Variants in HS6ST2 observed in about 807,000 individuals in gnomAD.
HS6ST2 encodes heparan-sulfate 6-O-sulfotransferase 2.
Under a neutral mutation model 33.0 loss-of-function variants are expected in HS6ST2, and 17 were observed. The ratio of observed to expected loss-of-function variants is 0.52; its 90% CI spans 0.35 to 0.77. The LOEUF is 0.77. HS6ST2 is among the 30% of genes least tolerant of loss of function. The pLI is 0.01. For missense variants in HS6ST2, 519 were observed against 551.7 expected, an observed-to-expected ratio of 0.94 and a Z score of 0.59; for synonymous variants, 248 against 237.1, an observed-to-expected ratio of 1.05 and a Z score of -0.42.
intron 2 of HS6ST2, among the ~76,000 whole-genome samples, chrX:132,846,563 A>AGG (rs1317953511): frequency 8.9e-6 from 1 of 112,152 alleles, no homozygotes; most frequent in Non-Finnish European, 1.9e-5. Context: ...TAGAGACAGC[A>AGG]GGACCTGCCT....
chrX:132,649,373 C>A (rs1207004342), intron 4 of HS6ST2, among the ~76,000 whole-genome samples: 1 of 112,035 alleles, frequency 8.9e-6, no homozygotes, highest in African/African-American at 3.2e-5. Flanking sequence ...ATTTAGCAAA[C>A]CCTTGCCCAA....
intron 2 of HS6ST2, among the ~76,000 whole-genome samples, chrX:132,879,669 T>C (rs1344416934): frequency 8.9e-6 from 1 of 112,175 alleles, no homozygotes; most frequent in African/African-American, 3.2e-5. Flanking sequence ...AAATCAGATT[T>C]TGACTTCAGT....
chrX:132,921,693 C>T (rs750524927), intron 2 of HS6ST2, among the ~76,000 whole-genome samples: 1 of 112,035 alleles, frequency 8.9e-6, no homozygotes, highest in East Asian at 2.8e-4. Context: ...AAAAGCCAGG[C>T]AATTACACTA....
At chrX:132,828,678 T>TTATATATATATATATATATATATATATA (rs1176610550) in intron 2 of HS6ST2, among the ~76,000 whole-genome samples, 3 of 53,242 alleles carry the variant, frequency 5.6e-5, no homozygotes, top group African/African-American at 9.2e-5. Flanking sequence ...ATATCATATT[T>TTATATATATATATATATATATATATATA]TATATATATA....
At chrX:132,911,993 CAT>C (rs1385118638) in intron 2 of HS6ST2, among the ~76,000 whole-genome samples, 2 of 111,703 alleles carry the variant, frequency 1.8e-5, no homozygotes, top group African/African-American at 6.5e-5. Context: ...AACACTCTAT[CAT>C]ATATCCCTGT....
rs1313156364 is a variant in HS6ST2, at chrX:132,627,071, A to ATTCTGT, written c.*1151_*1152insACAGAA. The ATTCTGT allele has an allele frequency of 8.9e-6, 1 of 112,533 alleles. No individual in the cohort carries two copies. Among genetic ancestry groups the ATTCTGT allele is most frequent in the East Asian group, 2.8e-4 (1 of 3,594 alleles). 9.3% of individuals were successfully genotyped at this position (112,533 alleles called of 1,213,427 possible). A position where few individuals can be genotyped will look rare whatever the true frequency, so the allele number is the denominator to read the frequency against. On this transcript the variant is annotated 3_prime_UTR_variant, in exon 5 of 5. Coordinates refer to ENST00000370833, the MANE Select transcript of HS6ST2 (RefSeq NM_001394073.1). Reference sequence around the variant, plus strand: ...TGTAATTGTCTACAAATCTGTCAACATGAAAAAGAACTAAAGGGCTAGAAA... The same window carrying ATTCTGT: ...TGTAATTGTCTACAAATCTGTCAACATTCTGTTGAAAAAGAACTAAAGGGCTAGAAA...
intron 2 of HS6ST2, among the ~76,000 whole-genome samples, chrX:132,865,639 G>T (rs2065967722): frequency 9.0e-6 from 1 of 111,395 alleles, no homozygotes; most frequent in South Asian, 3.8e-4. Flanking sequence ...TCCAGCACCT[G>T]TTGTTTCCTG....
chrX:132,825,219 T>C lies in HS6ST2; in HGVS notation c.948-116725A>G, dbSNP rs140829644. On this transcript the variant is annotated intron_variant, in intron 2 of 4. Coordinates refer to ENST00000370833, the MANE Select transcript of HS6ST2 (RefSeq NM_001394073.1). ...AACTAAAAGGTCTCTGAGATCCCAGTATTCTAGTATGATACTGGGGTATAC... is the reference window on the plus strand; with the variant it reads ...AACTAAAAGGTCTCTGAGATCCCAGCATTCTAGTATGATACTGGGGTATAC... 2.9e-3 allele frequency among the ~76,000 whole-genome samples: 326 copies of C among 111,347 alleles called. 2 individuals carry two copies. Among genetic ancestry groups the C allele is most frequent in the Non-Finnish European group, 3.7e-3 (194 of 53,026 alleles).
chrX:132,952,602 T>G (rs895161129), intron 2 of HS6ST2, among the ~76,000 whole-genome samples: 6 of 111,083 alleles, frequency 5.4e-5, no homozygotes, highest in African/African-American at 2.0e-4. Context: ...CAAATGGGAA[T>G]AAAAGAAAGC....
chrX:132,840,373 C>T (rs1006580033), intron 2 of HS6ST2, among the ~76,000 whole-genome samples: 2 of 110,195 alleles, frequency 1.8e-5, no homozygotes, highest in Non-Finnish European at 3.8e-5. Context: ...ATGAGGCAAG[C>T]GTTGGGTTTC....
At chrX:132,777,812 T>C (rs1303817934) in intron 2 of HS6ST2, among the ~76,000 whole-genome samples, 1 of 111,123 alleles carries the variant, frequency 9.0e-6, no homozygotes, top group Non-Finnish European at 1.9e-5. Flanking sequence ...TTAAGATCTT[T>C]ATGAGATGGA....
intron 2 of HS6ST2, among the ~76,000 whole-genome samples, chrX:132,767,225 T>C (rs1312748998): frequency 8.9e-6 from 1 of 112,328 alleles, no homozygotes; most frequent in African/African-American, 3.2e-5. Context: ...CTCCTCTCCC[T>C]TTTCTCTTTT....
intron 2 of HS6ST2, among the ~76,000 whole-genome samples, chrX:132,800,776 G>A (rs914064639): frequency 1.8e-5 from 2 of 111,864 alleles, no homozygotes; most frequent in African/African-American, 6.5e-5. Flanking sequence ...ATCTCAAATT[G>A]TAATCCCCAG....
intron 3 of HS6ST2, among the ~76,000 whole-genome samples, chrX:132,684,918 C>A (rs1359247110): frequency 8.9e-6 from 1 of 111,894 alleles, no homozygotes; most frequent in Non-Finnish European, 1.9e-5. Flanking sequence ...CCTAGCAATT[C>A]CTCATGAAAC....
intron 2 of HS6ST2, among the ~76,000 whole-genome samples, chrX:132,805,278 G>C (rs1351928572): frequency 9.0e-6 from 1 of 111,583 alleles, no homozygotes; most frequent in Non-Finnish European, 1.9e-5. Flanking sequence ...GGCACAACAT[G>C]GGCAAATCAA....
chrX:132,898,088 C>T (rs1170665084), intron 2 of HS6ST2, among the ~76,000 whole-genome samples: 1 of 109,784 alleles, frequency 9.1e-6, no homozygotes, highest in Non-Finnish European at 1.9e-5. Context: ...CTATTGTGAA[C>T]TCTGCATGCA....
chrX:132,637,951 A>AATATATATATAATATTTTATATAT (rs1491579993), intron 4 of HS6ST2, among the ~76,000 whole-genome samples: 3 of 68,243 alleles, frequency 4.4e-5, no homozygotes, highest in Non-Finnish European at 7.9e-5. Context: ...TTTTATATAT[A>AATATATATATAATATTTTATATAT]ATATATATAA....
rs757285093 is a variant in HS6ST2 at position 132,958,351 on chromosome X, G to T, written c.252C>A (p.Ala84=). The T allele has an allele frequency of 8.3e-7, 1 of 1,198,698 alleles. No individual in the cohort carries two copies. Among genetic ancestry groups the T allele is most frequent in the Non-Finnish European group, 1.1e-6 (1 of 893,594 alleles). The change falls in exon 1 of 5, where the codon GCC becomes GCA. Residue 84 remains alanine (A), a synonymous_variant. Transcript: ENST00000370833. ...ASSSLAGAAC[A]PLFALLSRGR... ...CCCGGGACAGCAGCGCGAAAAGCGG[G>T]GCGCACGCGGCTCCCGCCAGGGAAG...
At chrX:132,694,008 G>T (rs1045070596) in intron 3 of HS6ST2, among the ~76,000 whole-genome samples, 2 of 112,082 alleles carry the variant, frequency 1.8e-5, no homozygotes, top group Non-Finnish European at 3.8e-5. Context: ...CAAACATTCA[G>T]CAATTTAACG....
Sources: gnomAD v4.1 joint callset for allele counts (sites outside exome capture counted in the v4.1 genomes callset) on GRCh38, gnomAD v4.1.1 for gene constraint, MANE v1.5 for transcripts, NCBI Gene and HGNC (gene_info 2026-07-23, HGNC 2026-07-21) for gene names.